Variants in ITGAE observed in about 807,000 individuals in gnomAD.
The protein encoded by ITGAE is integrin subunit alpha E, also known as integrin alpha-E.
ITGAE carries 99 observed loss-of-function variants against 136.5 expected under a neutral mutation model. That is an observed-to-expected ratio of 0.73 (90% CI 0.62 to 0.86). ITGAE has a LOEUF of 0.86. Ranked by LOEUF, ITGAE falls within the 40% of genes least tolerant of loss-of-function variation. The pLI, the probability that ITGAE is intolerant of heterozygous loss-of-function variation, is 0.00. For synonymous variants in ITGAE, 613 were observed against 591.8 expected, an observed-to-expected ratio of 1.04 and a Z score of -0.52; for missense variants, 1,447 against 1,515.3, an observed-to-expected ratio of 0.95 and a Z score of 0.75.
In ITGAE at chr17:3,761,079, G is replaced by A. The variant is rs769863647; in HGVS notation, c.532C>T (p.Arg178Trp). Reference sequence around the variant, plus strand: ...TCCTCCTCCTCCTTCTCCAGAGCCCGGCGCTGCCTGGCTGTGTTCACATCG... The same window carrying A: ...TCCTCCTCCTCCTTCTCCAGAGCCCAGCGCTGCCTGGCTGTGTTCACATCG... The part of the protein sequence containing the change: ...EDDVNTARQR[R>W]ALEKEEEEDK... Residue 178 changes from arginine (R) to tryptophan (W), a missense_variant, in exon 6 of 31, where the codon CGG (arginine) becomes TGG (tryptophan). Transcript: ENST00000263087. The A allele has an allele frequency of 5.0e-6, 8 of 1,611,114 alleles. No homozygotes were observed. Among genetic ancestry groups the A allele is most frequent in the African/African-American group, 1.3e-5 (1 of 74,836 alleles).
Position 3,732,319 on chromosome 17 carries a change from C to T in ITGAE, c.2754+49G>A, listed in dbSNP as rs75075267. The T allele has an allele frequency of 1.5e-3, 2,026 of 1,375,930 alleles. 36 individuals carry two copies. The East Asian group carries it at 0.041, about 28-fold the overall frequency. 85.2% of individuals were successfully genotyped at this position (1,375,930 alleles called of 1,614,324 possible). A position where few individuals can be genotyped will look rare whatever the true frequency, so the allele number is the denominator to read the frequency against. On this transcript the variant is annotated intron_variant, in intron 22 of 30. Coordinates refer to ENST00000263087, the MANE Select transcript of ITGAE (RefSeq NM_002208.5). ...TGAGATGAGACCAAGATGCAGAAGA[C>T]GCCAACTGCAGGGTGGTGAGAAGAG...
At position 3,772,754 on chromosome 17, in the gene ITGAE, G is replaced by A. The variant is rs150382049; in HGVS notation, c.155+4786C>T. On this transcript the variant is annotated intron_variant, in intron 2 of 30. Coordinates refer to ENST00000263087, the MANE Select transcript of ITGAE (RefSeq NM_002208.5). ...GCTGGGATTACAGGCGTGAGCCACC[G>A]CGCCTGGCAGTGACCAGACTTTTGA... Among the ~76,000 whole-genome samples the A allele has an allele frequency of 4.0e-4, 61 of 152,198 alleles. 1 individual carries two copies. Among genetic ancestry groups the A allele is most frequent in the African/African-American group, 1.4e-3 (57 of 41,536 alleles).
intron 2 of ITGAE, among the ~76,000 whole-genome samples, chr17:3,773,602 C>T (rs1467927375): frequency 6.6e-6 from 1 of 152,114 alleles, no homozygotes; most frequent in Non-Finnish European, 1.5e-5. Flanking sequence ...CGGGGGCCAC[C>T]CTCCAGAAAC....
chr17:3,779,851 G>A (rs1421576443), intron 1 of ITGAE, among the ~76,000 whole-genome samples: 1 of 152,156 alleles, frequency 6.6e-6, no homozygotes, highest in African/African-American at 2.4e-5. Context: ...TCCCAAAGAG[G>A]TTTTGCCAAT....
chr17:3,737,162 G>A (rs1020816748), intron 20 of ITGAE, among the ~76,000 whole-genome samples: 12 of 152,084 alleles, frequency 7.9e-5, no homozygotes, highest in African/African-American at 2.9e-4. Context: ...GTGTGGTCAC[G>A]TGCGCCTGTG....
intron 18 of ITGAE, among the ~76,000 whole-genome samples, chr17:3,744,233 G>A (rs2051659151): frequency 6.6e-6 from 1 of 152,114 alleles, no homozygotes; most frequent in African/African-American, 2.4e-5. Context: ...AAAGTGGTGA[G>A]TCAGAAGTCC....
Position 3,782,340 on chromosome 17 carries a change from AGT to A in ITGAE, c.35-4682_35-4681del, listed in dbSNP as rs151134975. ...ATGCCACTCCATTGCTTAAATCTCTAGTGTGTGTGTGTGTGTGTGTGTGTGTG... is the reference window on the plus strand; with the variant it reads ...ATGCCACTCCATTGCTTAAATCTCTAGTGTGTGTGTGTGTGTGTGTGTGTG... On this transcript the variant is annotated intron_variant, in intron 1 of 30. Transcript: ENST00000263087. Among the ~76,000 whole-genome samples the A allele has an allele frequency of 2.8e-3, 310 of 109,378 alleles. 1 individual carries two copies. The highest frequency in any genetic ancestry group is 9.3e-3 in the Middle Eastern group (2 of 214). The allele number at this position is 109,378 out of a possible 152,430, so 71.8% of individuals were successfully genotyped here. A position where few individuals can be genotyped will look rare whatever the true frequency, so the allele number is the denominator to read the frequency against.
intron 26 of ITGAE, chr17:3,724,935 A>C (rs1460380246): frequency 1.9e-6 from 3 of 1,613,800 alleles, no homozygotes; most frequent in Non-Finnish European, 2.5e-6. Flanking sequence ...GCTGGAGAGA[A>C]CTAGATCAAG....
chr17:3,780,557 C>T (rs948022520), intron 1 of ITGAE, among the ~76,000 whole-genome samples: 2 of 152,186 alleles, frequency 1.3e-5, no homozygotes, highest in Non-Finnish European at 2.9e-5. Flanking sequence ...CTCGGCCTCC[C>T]AAAGTGCTGG....
chr17:3,724,204 A>T (rs773751059), intron 26 of ITGAE: 1 of 1,593,054 alleles, frequency 6.3e-7, no homozygotes, highest in Non-Finnish European at 8.5e-7. Flanking sequence ...GTGCCCAAGG[A>T]CCGGCCCAGC....
At chr17:3,757,965 A>G (rs1369250226) in intron 8 of ITGAE, 106 bp from the exon 9 acceptor site, 2 of 1,333,790 alleles carry the variant, frequency 1.5e-6, no homozygotes, top group Non-Finnish European at 2.1e-6. Flanking sequence ...AGGGTTCACA[A>G]TCCTCCCGAA....
chr17:3,770,104 T>C (rs1344977324), intron 2 of ITGAE, among the ~76,000 whole-genome samples: 1 of 150,958 alleles, frequency 6.6e-6, no homozygotes, highest in Non-Finnish European at 1.5e-5. Flanking sequence ...CAGGGTTTAT[T>C]TCTTTCTTTC....
intron 1 of ITGAE, among the ~76,000 whole-genome samples, chr17:3,789,516 T>C (rs982195117): frequency 6.6e-6 from 1 of 151,326 alleles, no homozygotes; most frequent in Admixed American, 6.6e-5. Context: ...TTTTTTGTTT[T>C]TTGAGATGGA....
chr17:3,786,791 G>A (rs2052808202), intron 1 of ITGAE, among the ~76,000 whole-genome samples: 1 of 150,996 alleles, frequency 6.6e-6, no homozygotes, highest in Admixed American at 6.6e-5. Flanking sequence ...TCGGGAGGCT[G>A]AGGCAGGAGG....
intron 17 of ITGAE, among the ~76,000 whole-genome samples, chr17:3,746,228 A>G (rs2051710690): frequency 6.6e-6 from 1 of 152,134 alleles, no homozygotes; most frequent in African/African-American, 2.4e-5. Flanking sequence ...AGAAGAAAAT[A>G]AGGAGGAAGA....
intron 1 of ITGAE, 24 bp downstream of exon 1, chr17:3,801,087 G>C (rs190954514): frequency 6.2e-7 from 1 of 1,612,826 alleles, no homozygotes; most frequent in Non-Finnish European, 8.5e-7. Context: ...GCAGCCCCTC[G>C]AAGCAGCGGG....
chr17:3,745,974 C>G (rs1366006187), intron 17 of ITGAE, 47 bp from the exon 18 acceptor site: 2 of 1,570,176 alleles, frequency 1.3e-6, no homozygotes, highest in African/African-American at 2.7e-5. Flanking sequence ...GATGAGCCAG[C>G]CGCAGACAGA....
rs1410899873 is a variant in ITGAE, at chr17:3,761,011, A to T, written c.598+2T>A. ...GAGCAACCCAGATCTGCCTCTTCTCACCAGCTTCCTCCTCCTCCTCGTCTT... is the reference window on the plus strand; with the variant it reads ...GAGCAACCCAGATCTGCCTCTTCTCTCCAGCTTCCTCCTCCTCCTCGTCTT... On this transcript the variant is annotated splice_donor_variant, in intron 6 of 30. Coordinates refer to ENST00000263087, the MANE Select transcript of ITGAE (RefSeq NM_002208.5). LOFTEE classifies it high-confidence loss of function. 1.3e-6 allele frequency: 2 copies of T among 1,598,252 alleles called. No homozygotes were observed. Among genetic ancestry groups the T allele is most frequent in the Non-Finnish European group, 1.7e-6 (2 of 1,178,668 alleles).
In ITGAE at chr17:3,730,764, C is replaced by T. The variant is rs7221970; in HGVS notation, c.2834+340G>A. Among the ~76,000 whole-genome samples, 661 of 152,260 alleles carry T rather than the reference C, an allele frequency of 4.3e-3. 5 individuals are homozygous for T. Among genetic ancestry groups the T allele is most frequent in the African/African-American group, 0.015 (634 of 41,568 alleles). The stretch of plus-strand genomic sequence containing the variant: ...TCCCTTTGAGAACTCTTCCCAGCAG[C>T]GTTCCCCACCTTACCCCCCAACACA... On this transcript the variant is annotated intron_variant, in intron 23 of 30. Coordinates refer to ENST00000263087, the MANE Select transcript of ITGAE (RefSeq NM_002208.5).
Sources: gnomAD v4.1 joint callset for allele counts (sites outside exome capture counted in the v4.1 genomes callset) on GRCh38, gnomAD v4.1.1 for gene constraint, MANE v1.5 for transcripts, NCBI Gene and HGNC (gene_info 2026-07-23, HGNC 2026-07-21) for gene names.